The following KCNH7 variants were observed in gnomAD, a reference collection of about 807,000 sequenced individuals.
The protein encoded by KCNH7 is voltage-gated inwardly rectifying potassium channel KCNH7.
A neutral mutation model predicts 120.8 loss-of-function variants in KCNH7; 49 were observed. The observed-to-expected ratio is 0.41, with a 90% CI of 0.32 to 0.51. KCNH7 has a LOEUF of 0.51. Among genes scored for constraint, KCNH7 ranks in the 20% least tolerant of loss-of-function variants. The pLI is 0.38. For missense variants in KCNH7, 1,097 were observed against 1,446.6 expected (o/e 0.76, Z 3.92); for synonymous variants, 547 against 516.1 (o/e 1.06, Z -0.81).
rs1691122632 is a variant in KCNH7, at chr2:162,512,735, A to C, written c.893-61T>G. On this transcript the variant is annotated intron_variant, in intron 4 of 15. Coordinates refer to ENST00000332142, the MANE Select transcript of KCNH7 (RefSeq NM_033272.4). ...ATAAAAAGAAGACTAAAATTATATTATATACACTGAATTACCTGTATAAAA... is the reference window on the plus strand; with the variant it reads ...ATAAAAAGAAGACTAAAATTATATTCTATACACTGAATTACCTGTATAAAA... 3.2e-6 allele frequency: 4 copies of C among 1,239,828 alleles called. No individual in the cohort carries two copies. In the South Asian group the frequency reaches 5.1e-5, roughly 16 times the overall value. The allele number at this position is 1,239,828 out of a possible 1,614,324, so 76.8% of individuals were successfully genotyped here. A position where few individuals can be genotyped will look rare whatever the true frequency, so the allele number is the denominator to read the frequency against.
rs1686526065 is a variant in KCNH7, at chr2:162,384,774, A to G, written c.2876T>C (p.Ile959Thr). 6 of 1,612,746 alleles carry G rather than the reference A, an allele frequency of 3.7e-6. No individual in the cohort carries two copies. Among genetic ancestry groups the G allele is most frequent in the East Asian group, 2.2e-5 (1 of 44,794 alleles). Residue 959 changes from isoleucine to threonine, a missense_variant, in exon 13 of 16, where the codon ATA becomes ACA. Around this residue, in one of 8 missense-constraint regions of KCNH7, gnomAD observed 406 missense variants for 410.5 expected, o/e 0.99. Transcript: ENST00000332142. ...FSGIVDSSPG[I>T]GKASGLDFEE... ...AAAATCGAGCCCAGATGCTTTCCCTATTCCTGGAGAAGAGTCTACTATTCC... is the reference window on the plus strand; with the variant it reads ...AAAATCGAGCCCAGATGCTTTCCCTGTTCCTGGAGAAGAGTCTACTATTCC...
At chr2:162,460,685 C>A (rs1291597917) in intron 6 of KCNH7, among the ~76,000 whole-genome samples, 1 of 152,150 alleles carries the variant, frequency 6.6e-6, no homozygotes, top group Non-Finnish European at 1.5e-5. Flanking sequence ...TCTGCTGACA[C>A]CTTGACCTTG....
rs1574023920 is a variant in KCNH7, at chr2:162,492,031, G to A, written c.1128+12412C>T. 2.0e-5 allele frequency among the ~76,000 whole-genome samples: 3 copies of A among 152,274 alleles called. No homozygotes were observed. In the East Asian group the frequency reaches 5.8e-4, roughly 29 times the overall value. On this transcript the variant is annotated intron_variant, in intron 6 of 15. Coordinates refer to ENST00000332142, the MANE Select transcript of KCNH7 (RefSeq NM_033272.4). The stretch of plus-strand genomic sequence containing the variant: ...AAACTGCTTAGCTTAAATGAGCTCA[G>A]GGGAAGGGAACCCAGAAGCCTGACA...
chr2:162,782,978 T>C (rs540204615), intron 2 of KCNH7, among the ~76,000 whole-genome samples: 1 of 152,308 alleles, frequency 6.6e-6, no homozygotes, highest in South Asian at 2.1e-4. Context: ...CACAGTCAGA[T>C]GCTGTGATGG....
intron 10 of KCNH7, 76 bp from the exon 11 acceptor site, chr2:162,397,021 G>A: frequency 1.0e-6 from 1 of 960,160 alleles, no homozygotes; most frequent in Non-Finnish European, 1.6e-6. Context: ...GTAGAAGGGG[G>A]TCATTAAACA....
At chr2:162,372,924 T>TA (rs1686012183) in intron 15 of KCNH7, among the ~76,000 whole-genome samples, 1 of 152,102 alleles carries the variant, frequency 6.6e-6, no homozygotes, top group Non-Finnish European at 1.5e-5. Context: ...ATCATCCAAG[T>TA]AAAAAAATTT....
At chr2:162,468,487 C>A (rs931069470) in intron 6 of KCNH7, among the ~76,000 whole-genome samples, 2 of 112,136 alleles carry the variant, frequency 1.8e-5, no homozygotes, top group African/African-American at 3.4e-5. Context: ...ATTTCTATAT[C>A]TTGGGCAAGG....
At chr2:162,739,478 C>T (rs1688041464) in intron 2 of KCNH7, among the ~76,000 whole-genome samples, 1 of 152,174 alleles carries the variant, frequency 6.6e-6, no homozygotes, top group Non-Finnish European at 1.5e-5. Context: ...GCTGGTTTTG[C>T]ACCTCTACTA....
intron 6 of KCNH7, chr2:162,497,113 C>A (rs1047740471): frequency 3.3e-5 from 5 of 152,094 alleles, no homozygotes; most frequent in Non-Finnish European, 5.9e-5. Context: ...ATTAAAATTT[C>A]TTCATTACAA....
intron 2 of KCNH7, among the ~76,000 whole-genome samples, chr2:162,751,931 AAAT>A (rs1229662421): frequency 2.0e-5 from 3 of 152,188 alleles, no homozygotes; most frequent in African/African-American, 2.4e-5. Context: ...AGAAAGAAAA[AAAT>A]AATATTTTTA....
intron 3 of KCNH7, among the ~76,000 whole-genome samples, chr2:162,531,422 A>C (rs1691921446): frequency 2.0e-5 from 3 of 151,936 alleles, no homozygotes; most frequent in African/African-American, 7.2e-5. Flanking sequence ...CCGTGGGAAA[A>C]TATGAGAATT....
intron 2 of KCNH7, among the ~76,000 whole-genome samples, chr2:162,779,479 G>A (rs920759888): frequency 6.6e-6 from 1 of 152,076 alleles, no homozygotes; most frequent in Non-Finnish European, 1.5e-5. Context: ...AATTACAGGC[G>A]TGAGCCACCA....
In KCNH7 at chr2:162,694,353, T is replaced by C. The variant is rs1051772894; in HGVS notation, c.307+142184A>G. On this transcript the variant is annotated intron_variant, in intron 2 of 15. Transcript: ENST00000332142. Reference sequence around the variant, plus strand: ...ACTCCGAACTCAGACTGTTCTCCTCTACCCTAACAGCTCAGCTTTAAATAG... The same window carrying C: ...ACTCCGAACTCAGACTGTTCTCCTCCACCCTAACAGCTCAGCTTTAAATAG... 4.6e-5 allele frequency among the ~76,000 whole-genome samples: 7 copies of C among 152,176 alleles called. 1 individual carries two copies. Among genetic ancestry groups the C allele is most frequent in the South Asian group, 4.1e-4 (2 of 4,822 alleles).
chr2:162,756,024 C>T (rs866174270), intron 2 of KCNH7, among the ~76,000 whole-genome samples: 1 of 152,092 alleles, frequency 6.6e-6, no homozygotes, highest in Non-Finnish European at 1.5e-5. Context: ...TAATGCTTCA[C>T]ATTTCAAGGG....
chr2:162,669,424 G>A (rs1311120726), intron 2 of KCNH7, among the ~76,000 whole-genome samples: 1 of 152,168 alleles, frequency 6.6e-6, no homozygotes, highest in Non-Finnish European at 1.5e-5. Context: ...TCAGTGGAAT[G>A]AATCTTCAAA....
intron 2 of KCNH7, among the ~76,000 whole-genome samples, chr2:162,557,006 C>A: frequency 6.6e-6 from 1 of 152,050 alleles, no homozygotes; most frequent in East Asian, 1.9e-4. Context: ...TGCTGTGTAA[C>A]AAACCACCTC....
At chr2:162,509,411 G>C (rs907707960) in intron 5 of KCNH7, among the ~76,000 whole-genome samples, 1 of 151,498 alleles carries the variant, frequency 6.6e-6, no homozygotes, top group African/African-American at 2.4e-5. Context: ...TCAGGTATTT[G>C]TACAATATAT....
chr2:162,696,137 C>A (rs983904497), intron 2 of KCNH7, among the ~76,000 whole-genome samples: 1 of 152,062 alleles, frequency 6.6e-6, no homozygotes. Flanking sequence ...AAAACTAAGG[C>A]TTTGCTTACT....
rs778347463 is a variant in KCNH7 at position 162,373,603 on chromosome 2, G to T, written c.3191C>A (p.Thr1064Asn). 1.3e-6 allele frequency: 2 copies of T among 1,570,804 alleles called. No individual in the cohort carries two copies. The highest frequency in any genetic ancestry group is 1.4e-5 in the African/African-American group (1 of 72,668). ...QTILQLLQKQ[T>N]TVVPPAYSMV... ...ACTGTAGGCTGGGGGGACCACAGTG[G>T]TTTGTTTCTGCAGCAACTGTAAGAT... The change falls in exon 15 of 16, where the codon ACC becomes AAC. Residue 1064 changes from threonine to asparagine, a missense_variant. Thr to Asn is a moderately conservative substitution (Grantham distance 65). Transcript: ENST00000332142.
Sources: allele counts gnomAD v4.1 joint callset (sites outside exome capture counted in the v4.1 genomes callset), GRCh38; gene constraint gnomAD v4.1.1; regional missense constraint gnomAD v4.1.1; transcripts MANE v1.5; gene names NCBI Gene and HGNC (gene_info 2026-07-23, HGNC 2026-07-21).